WFS1: variants seen among roughly 807,000 people sequenced by gnomAD.
The protein encoded by WFS1 is wolframin ER transmembrane glycoprotein, also known as wolframin.
WFS1 carries 90 observed loss-of-function variants against 68.5 expected under a neutral mutation model. The observed-to-expected ratio is 1.31, with a 90% CI of 1.11 to 1.56. The LOEUF is 1.56. Among genes scored for constraint, WFS1 ranks in the 40% most tolerant of loss-of-function variants. The pLI, the probability that WFS1 is intolerant of heterozygous loss-of-function variation, is 0.00. For missense variants in WFS1, 1,767 were observed against 1,232.6 expected (o/e 1.43, Z -6.49); for synonymous variants, 860 against 540.7 (o/e 1.59, Z -8.19).
chr4:6,274,606 A>G (rs1188253554), intron 1 of WFS1, among the ~76,000 whole-genome samples: 2 of 152,118 alleles, frequency 1.3e-5, no homozygotes, highest in East Asian at 3.9e-4. Context: ...TGAGGAAGAC[A>G]GGGACTCGGG....
chr4:6,277,334 A>T, intron 1 of WFS1, 117 bp from the exon 2 acceptor site: 1 of 959,094 alleles, frequency 1.0e-6, no homozygotes, highest in Non-Finnish European at 1.6e-6. Context: ...GAGATCCTGT[A>T]TGGAGTGTCT....
In WFS1 at chr4:6,301,854, C is replaced by G; in HGVS notation, c.2059C>G (p.Gln687Glu). The G allele has an allele frequency of 6.2e-7, 1 of 1,613,024 alleles. No homozygotes were observed. The highest frequency in any genetic ancestry group is 8.5e-7 in the Non-Finnish European group (1 of 1,179,902). The change falls in exon 8 of 8, where the codon CAG becomes GAG. Residue 687 changes from glutamine (Q) to glutamate (E), a missense_variant. By Grantham distance (29) the Gln-to-Glu change is conservative. Coordinates refer to ENST00000226760, the MANE Select transcript of WFS1 (RefSeq NM_006005.3). The part of the protein sequence containing the change: ...AWKETNMART[Q>E]ILCSHLEGHR... ...GAAGGAGACCAACATGGCGCGCACC[C>G]AGATCCTCTGCAGCCACCTGGAGGG...
rs1405297015 is a variant in WFS1, at chr4:6,283,018, G to A, written c.233-4075G>A. Among the ~76,000 whole-genome samples the A allele has an allele frequency of 6.6e-6, 1 of 152,218 alleles. No homozygotes were observed. Among genetic ancestry groups the A allele is most frequent in the Admixed American group, 6.5e-5 (1 of 15,292 alleles). The stretch of plus-strand genomic sequence containing the variant: ...ACCCACGGACATAGATGGCATCCAC[G>A]AAGGCTGGCGGAGCCTGTGATAGAC... On this transcript the variant is annotated intron_variant, in intron 2 of 7. Transcript: ENST00000226760. This position sits in a 1 kb window ranked among gnomAD's most constrained non-coding sequence, Gnocchi z 5.0.
chr4:6,298,772 G>A (rs868598258), intron 7 of WFS1, among the ~76,000 whole-genome samples: 2 of 152,250 alleles, frequency 1.3e-5, no homozygotes, highest in Admixed American at 6.5e-5. Flanking sequence ...TAGCCAGGCT[G>A]TTGGCAGGTG....
In WFS1 at chr4:6,285,264, GGGGACATCCAGGGAGA is replaced by G. The variant is rs575354352; in HGVS notation, c.233-1825_233-1810del. On this transcript the variant is annotated intron_variant, in intron 2 of 7. Transcript: ENST00000226760. ...ATTCAGGGAGGAGTCTTCCAGGGAC[GGGGACATCCAGGGAGA>G]GGGGCGTCCAGCGAGAGGAGCCTCT... Among the ~76,000 whole-genome samples the G allele has an allele frequency of 7.1e-4, 107 of 150,678 alleles. 1 individual carries two copies. The highest frequency in any genetic ancestry group is 2.5e-3 in the African/African-American group (102 of 41,000).
intron 1 of WFS1, among the ~76,000 whole-genome samples, chr4:6,273,347 T>C (rs1459111269): frequency 6.6e-6 from 1 of 152,106 alleles, no homozygotes; most frequent in African/African-American, 2.4e-5. Flanking sequence ...GCTAGCAACT[T>C]TGGTTTTGTG....
chr4:6,301,661 G>A lies in WFS1; in HGVS notation c.1866G>A (p.Gly622=), dbSNP rs372040086. Residue 622 remains glycine, a synonymous_variant, in exon 8 of 8, where the codon GGG becomes GGA. Transcript: ENST00000226760. ...WWTKASFSVV[G]MVKSLTRSSM... is the part of the protein sequence containing the mutation. Reference sequence around the variant, plus strand: ...CCAAGGCCAGCTTCTCTGTGGTGGGGATGGTGAAGTCCCTGACGCGGAGCT... The same window carrying A: ...CCAAGGCCAGCTTCTCTGTGGTGGGAATGGTGAAGTCCCTGACGCGGAGCT... 6.2e-7 allele frequency: 1 copy of A among 1,614,110 alleles called. No homozygotes were observed. The highest frequency in any genetic ancestry group is 8.5e-7 in the Non-Finnish European group (1 of 1,179,998).
At chr4:6,298,091 C>G (rs1730685452) in intron 7 of WFS1, among the ~76,000 whole-genome samples, 1 of 152,224 alleles carries the variant, frequency 6.6e-6, no homozygotes. Context: ...TTTACCAAGG[C>G]CACCCCCTTG....
At chr4:6,270,449 G>GC (rs901436962) in intron 1 of WFS1, among the ~76,000 whole-genome samples, 1 of 131,366 alleles carries the variant, frequency 7.6e-6, no homozygotes, top group African/African-American at 2.8e-5. Context: ...ACGCGCCTGG[G>GC]CCCCCGGGAG....
At chr4:6,288,736 C>G in intron 3 of WFS1, 2 of 550,740 alleles carry the variant, frequency 3.6e-6, no homozygotes, top group Non-Finnish European at 6.7e-6. Flanking sequence ...GTACCAGTAC[C>G]AGTCGGAGCC....
chr4:6,290,990 G>A lies in WFS1; in HGVS notation c.461-207G>A, dbSNP rs557573234. Among the ~76,000 whole-genome samples the A allele has an allele frequency of 4.2e-3, 633 of 152,328 alleles. 3 individuals carry two copies. The highest frequency in any genetic ancestry group is 6.9e-3 in the Non-Finnish European group (469 of 68,032). ...GGGGGCACTTGGGGGCGTCTGGTGG[G>A]AGACCAGTCTGGCCTCCCAGCTGGA... On this transcript the variant is annotated intron_variant, in intron 4 of 7. Transcript: ENST00000226760.
chr4:6,291,832 GA>G (rs1730472120), intron 5 of WFS1, 84 bp from the exon 6 acceptor site: 5 of 1,430,852 alleles, frequency 3.5e-6, no homozygotes, highest in Admixed American at 2.0e-5. Flanking sequence ...CGTGCCCTAG[GA>G]ACAGTGCGCC....
At chr4:6,299,376 CA>C (rs1279570952) in intron 7 of WFS1, among the ~76,000 whole-genome samples, 1 of 151,832 alleles carries the variant, frequency 6.6e-6, no homozygotes, top group Non-Finnish European at 1.5e-5. Context: ...CGGGGGAAGG[CA>C]GCCTTTGGCC....
chr4:6,299,851 GTGAA>G (rs1467430759), intron 7 of WFS1, among the ~76,000 whole-genome samples: 2 of 141,250 alleles, frequency 1.4e-5, no homozygotes, highest in African/African-American at 2.7e-5. Flanking sequence ...GGTGGGTTGT[GTGAA>G]TGCGTGTGTG....
chr4:6,285,412 G>C (rs1379550268), intron 2 of WFS1, among the ~76,000 whole-genome samples: 1 of 150,812 alleles, frequency 6.6e-6, no homozygotes, highest in South Asian at 2.1e-4. Context: ...AGGGAGGGGG[G>C]CTTCCAGGGA....
At position 6,302,729 on chromosome 4, in the gene WFS1, G is replaced by C; in HGVS notation, c.*261G>C. On this transcript the variant is annotated 3_prime_UTR_variant, in exon 8 of 8. Coordinates refer to ENST00000226760, the MANE Select transcript of WFS1 (RefSeq NM_006005.3). Reference sequence around the variant, plus strand: ...GAGCCTGACCTTTCTGAGTGACATGGGTGTGCCAGGCTAGACTAGGAGGTT... The same window carrying C: ...GAGCCTGACCTTTCTGAGTGACATGCGTGTGCCAGGCTAGACTAGGAGGTT... The C allele has an allele frequency of 1.7e-6, 1 of 587,774 alleles. No individual in the cohort carries two copies. The highest frequency in any genetic ancestry group is 3.0e-6 in the Non-Finnish European group (1 of 335,276). 36.4% of individuals were successfully genotyped at this position (587,774 alleles called of 1,614,324 possible). A position where few individuals can be genotyped will look rare whatever the true frequency, so the allele number is the denominator to read the frequency against.
intron 1 of WFS1, among the ~76,000 whole-genome samples, chr4:6,271,242 C>T (rs1729831195): frequency 6.6e-6 from 1 of 152,202 alleles, no homozygotes; most frequent in African/African-American, 2.4e-5. Flanking sequence ...TGGAGGGAGG[C>T]TTCTCCACAT....
At chr4:6,274,534 A>G (rs995243146) in intron 1 of WFS1, among the ~76,000 whole-genome samples, 1 of 152,118 alleles carries the variant, frequency 6.6e-6, no homozygotes, top group African/African-American at 2.4e-5. Flanking sequence ...TGTAACCTCT[A>G]GCAGAGGGAG....
intron 7 of WFS1, among the ~76,000 whole-genome samples, chr4:6,299,743 G>A (rs1219694013): frequency 3.0e-5 from 4 of 131,322 alleles, no homozygotes; most frequent in East Asian, 2.7e-4. Flanking sequence ...GGTAGGTTGC[G>A]TGTGTGTGTG....
Sources: allele counts gnomAD v4.1 joint callset (sites outside exome capture counted in the v4.1 genomes callset), GRCh38; gene constraint gnomAD v4.1.1; non-coding constraint Gnocchi (gnomAD v3.1); transcripts MANE v1.5; gene names NCBI Gene and HGNC (gene_info 2026-07-23, HGNC 2026-07-21).